The following SORCS3 variants were observed in gnomAD, a reference collection of about 807,000 sequenced individuals.
The protein encoded by SORCS3 is sortilin related VPS10 domain containing receptor 3.
A neutral mutation model predicts 146.3 loss-of-function variants in SORCS3; 57 were observed. The observed-to-expected ratio is 0.39, with a 90% CI of 0.31 to 0.49. The LOEUF (loss-of-function observed/expected upper bound fraction) is 0.49, where lower values mean the gene tolerates loss of function less well. Among genes scored for constraint, SORCS3 ranks in the 20% least tolerant of loss-of-function variants. The pLI is 0.92. For synonymous variants in SORCS3, 653 were observed against 618.5 expected (o/e 1.06, Z -0.83); for missense variants, 1,341 against 1,575.5 (o/e 0.85, Z 2.52).
intron 6 of SORCS3, among the ~76,000 whole-genome samples, chr10:105,100,078 A>G (rs2055772936): frequency 6.6e-6 from 1 of 152,302 alleles, no homozygotes; most frequent in East Asian, 1.9e-4. Flanking sequence ...TGCTGGCTCC[A>G]TTTAAATGAT....
chr10:104,835,508 G>A (rs966424836), intron 1 of SORCS3, among the ~76,000 whole-genome samples: 1 of 152,214 alleles, frequency 6.6e-6, no homozygotes, highest in Non-Finnish European at 1.5e-5. Flanking sequence ...TTCCTTCAGA[G>A]TAAAATTTTA....
chr10:105,165,339 A>C (rs1049253247), intron 12 of SORCS3, among the ~76,000 whole-genome samples: 1 of 152,162 alleles, frequency 6.6e-6, no homozygotes, highest in African/African-American at 2.4e-5. Flanking sequence ...CAAGGAGGGG[A>C]GGCATTTTAC....
At chr10:104,677,131 T>G (rs1778833722) in intron 1 of SORCS3, among the ~76,000 whole-genome samples, 1 of 152,226 alleles carries the variant, frequency 6.6e-6, no homozygotes, top group African/African-American at 2.4e-5. Context: ...CAGGCTGTAG[T>G]GAAGGCTGTA....
intron 1 of SORCS3, among the ~76,000 whole-genome samples, chr10:104,838,180 G>A (rs1214821973): frequency 6.6e-6 from 1 of 152,140 alleles, no homozygotes; most frequent in Non-Finnish European, 1.5e-5. Context: ...GCCATCAGCT[G>A]GAGGGGATTC....
chr10:104,826,402 TA>T, intron 1 of SORCS3, among the ~76,000 whole-genome samples: 1 of 152,226 alleles, frequency 6.6e-6, no homozygotes, highest in East Asian at 1.9e-4. Flanking sequence ...ACCTCAGAGA[TA>T]TTGTGTGTTA....
chr10:104,680,097 CATTT>C (rs1183947957), intron 1 of SORCS3, among the ~76,000 whole-genome samples: 4 of 152,258 alleles, frequency 2.6e-5, no homozygotes, highest in East Asian at 1.9e-4. Flanking sequence ...TTCATTCACA[CATTT>C]ATTCATTAAT....
intron 1 of SORCS3, among the ~76,000 whole-genome samples, chr10:104,643,745 T>TGTGTGTGTGTGTGTG (rs1554841272): frequency 4.1e-5 from 6 of 147,572 alleles, no homozygotes; most frequent in South Asian, 2.1e-4. Context: ...TGTGTGTGTG[T>TGTGTGTGTGTGTGTG]TGGGGTTCTT....
chr10:105,038,092 G>A (rs2055317715), intron 4 of SORCS3, among the ~76,000 whole-genome samples: 1 of 152,286 alleles, frequency 6.6e-6, no homozygotes, highest in South Asian at 2.1e-4. Context: ...AAGATATGTG[G>A]CCATGACATA....
chr10:105,215,830 T>A (rs1339330187), intron 18 of SORCS3, among the ~76,000 whole-genome samples: 1 of 152,162 alleles, frequency 6.6e-6, no homozygotes, highest in East Asian at 1.9e-4. Flanking sequence ...GGCAGAAGGA[T>A]TGGCTCATAA....
chr10:104,972,121 T>C (rs911071874), intron 3 of SORCS3, among the ~76,000 whole-genome samples: 1 of 152,100 alleles, frequency 6.6e-6, no homozygotes, highest in African/African-American at 2.4e-5. Context: ...GGCAGATCAC[T>C]TGAGGCCAGG....
intron 3 of SORCS3, among the ~76,000 whole-genome samples, chr10:104,929,177 T>C (rs773003727): frequency 2.0e-5 from 3 of 152,232 alleles, no homozygotes; most frequent in Non-Finnish European, 2.9e-5. Flanking sequence ...CTTAGTTGTT[T>C]AATCTGTCAA....
chr10:104,922,892 G>A (rs1026732899), intron 3 of SORCS3, among the ~76,000 whole-genome samples: 7 of 152,210 alleles, frequency 4.6e-5, no homozygotes, highest in Non-Finnish European at 7.3e-5. Flanking sequence ...CCTTATATGT[G>A]TGAGAGATAA....
intron 5 of SORCS3, among the ~76,000 whole-genome samples, chr10:105,081,589 A>T (rs1178534225): frequency 6.6e-6 from 1 of 152,134 alleles, no homozygotes; most frequent in East Asian, 1.9e-4. Flanking sequence ...GGATTTGGAG[A>T]CTGTTTGCAC....
intron 1 of SORCS3, among the ~76,000 whole-genome samples, chr10:104,729,321 G>C (rs1466354233): frequency 6.6e-6 from 1 of 152,218 alleles, no homozygotes; most frequent in Non-Finnish European, 1.5e-5. Context: ...AGACCTTTGG[G>C]CTGGATCAGT....
At chr10:104,886,582 C>G (rs2018690563) in intron 2 of SORCS3, among the ~76,000 whole-genome samples, 1 of 151,730 alleles carries the variant, frequency 6.6e-6, no homozygotes, top group Admixed American at 6.6e-5. Context: ...ATCTATCTAT[C>G]TATCTATCTA....
At chr10:105,114,493 G>A (rs2055880575) in intron 7 of SORCS3, among the ~76,000 whole-genome samples, 2 of 152,240 alleles carry the variant, frequency 1.3e-5, no homozygotes, top group African/African-American at 4.8e-5. Flanking sequence ...TGTGAGATGA[G>A]GTGCTGCAAC....
At chr10:105,247,791 T>A (rs185748798) in intron 22 of SORCS3, among the ~76,000 whole-genome samples, 55 of 152,110 alleles carry the variant, frequency 3.6e-4, no homozygotes, top group African/African-American at 1.2e-3. Context: ...ATTGTAGGAT[T>A]AAAGAAGGAA....
chr10:105,070,134 C>T (rs12412796), intron 5 of SORCS3, among the ~76,000 whole-genome samples: 48,877 of 152,166 alleles, frequency 0.32, 9,753 homozygotes, highest in East Asian at 0.68. Flanking sequence ...CTTCTCTCCG[C>T]TCCTGAGATT....
chr10:104,941,245 A>G (rs2019317520), intron 3 of SORCS3, among the ~76,000 whole-genome samples: 1 of 152,096 alleles, frequency 6.6e-6, no homozygotes, highest in Admixed American at 6.6e-5. Flanking sequence ...TTTTGTGACT[A>G]AGAATGCCTA....
Sources: allele counts gnomAD v4.1 joint callset (sites outside exome capture counted in the v4.1 genomes callset), GRCh38; gene constraint gnomAD v4.1.1; transcripts MANE v1.5; gene names NCBI Gene and HGNC (gene_info 2026-07-23, HGNC 2026-07-21).